Variants in GRAMD4 observed in about 807,000 individuals in gnomAD.
GRAMD4 encodes GRAM domain containing 4.
In GRAMD4, 25 loss-of-function variants were observed where a neutral mutation model predicts 83.9. The ratio of observed to expected loss-of-function variants is 0.30; its 90% CI spans 0.22 to 0.42. The LOEUF (loss-of-function observed/expected upper bound fraction) is 0.42. Among genes scored for constraint, GRAMD4 ranks in the 10% least tolerant of loss-of-function variants. The probability of loss-of-function intolerance (pLI) is 1.00; values close to 1 mark genes in which losing one functional copy is unlikely to be tolerated. For synonymous variants in GRAMD4, 336 were observed against 320.9 expected (o/e 1.05, Z -0.50); for missense variants, 593 against 788.7 (o/e 0.75, Z 2.97).
intron 2 of GRAMD4, among the ~76,000 whole-genome samples, chr22:46,632,272 TG>T (rs2081786185): frequency 6.6e-6 from 1 of 151,284 alleles, no homozygotes; most frequent in African/African-American, 2.4e-5. Context: ...GAAGGAGAGG[TG>T]GCAAGAAGGA....
At chr22:46,663,346 G>A (rs1490542416) in intron 6 of GRAMD4, among the ~76,000 whole-genome samples, 174 bp downstream of exon 6, 1 of 152,232 alleles carries the variant, frequency 6.6e-6, no homozygotes, top group Non-Finnish European at 1.5e-5. Context: ...CCTGGCAGGG[G>A]CTTGCGAGGC....
intron 13 of GRAMD4, among the ~76,000 whole-genome samples, chr22:46,670,850 C>T (rs752345881): frequency 3.9e-5 from 6 of 152,050 alleles, no homozygotes; most frequent in Non-Finnish European, 7.4e-5. Context: ...ATGATCCGCC[C>T]GCTCGGCCTC....
chr22:46,635,702 C>T (rs1433007602), intron 2 of GRAMD4, among the ~76,000 whole-genome samples: 2 of 137,806 alleles, frequency 1.5e-5, no homozygotes, highest in East Asian at 2.1e-4. Flanking sequence ...CTCCCTGCTC[C>T]CCACCCCTGA....
intron 1 of GRAMD4, among the ~76,000 whole-genome samples, chr22:46,577,968 A>G (rs1339606010): frequency 6.6e-6 from 1 of 152,172 alleles, no homozygotes; most frequent in African/African-American, 2.4e-5. Flanking sequence ...CAGGTCCTGG[A>G]CAAGGGAGGG....
upstream of GRAMD4, chr22:46,575,893 C>T (rs1214612869): frequency 6.6e-6 from 1 of 152,296 alleles, no homozygotes; most frequent in East Asian, 1.9e-4. Flanking sequence ...ACCTGAGTGC[C>T]TGCCTCTAAC....
chr22:46,662,625 GT>G (rs1281328067), intron 5 of GRAMD4, among the ~76,000 whole-genome samples: 22 of 152,224 alleles, frequency 1.4e-4, no homozygotes, highest in Admixed American at 6.5e-5. Context: ...GGCTGGGGCA[GT>G]GACCTCTCCA....
chr22:46,658,293 G>C lies in GRAMD4; in HGVS notation c.390G>C (p.Glu130Asp), dbSNP rs1601651359. 1 of 1,611,710 alleles carries C rather than the reference G, an allele frequency of 6.2e-7. No homozygotes were observed. The highest frequency in any genetic ancestry group is 2.2e-5 in the East Asian group (1 of 44,842). ...RRMELEQKVQEVLKARTEEQM... is the reference protein window; with the variant it reads ...RRMELEQKVQDVLKARTEEQM... ...TGGAGCTGGAGCAGAAGGTGCAGGA[G>C]GTGCTGAAGGCCAGGTACCGCGCCT... The change falls in exon 4 of 19, where the codon GAG becomes GAC. Residue 130 changes from glutamate to aspartate, a missense_variant. Physicochemically the swap from Glu to Asp is conservative, Grantham distance 45. Around this residue, in one of 4 missense-constraint regions of GRAMD4, gnomAD observed 312 missense variants for 350.7 expected, o/e 0.89. Coordinates refer to ENST00000406902, the MANE Select transcript of GRAMD4 (RefSeq NM_015124.5).
At chr22:46,616,598 G>A (rs2147117843), upstream of GRAMD4, among the ~76,000 whole-genome samples, 1 of 140,352 alleles carries the variant, frequency 7.1e-6, no homozygotes, top group Non-Finnish European at 1.5e-5. Context: ...AGGTTCCCCT[G>A]TGTGTAGGTT....
intron 1 of GRAMD4, among the ~76,000 whole-genome samples, chr22:46,603,513 C>CTTTTTTTTTTTTTTTTTTTT (rs1569254347): frequency 2.8e-5 from 3 of 105,976 alleles, no homozygotes; most frequent in African/African-American, 1.1e-4. Flanking sequence ...CCGGCCTCTT[C>CTTTTTTTTTTTTTTTTTTTT]TCTTTTTTTT....
rs550462631 is a variant in GRAMD4, at chr22:46,667,982, G to T, written c.859-114G>T. On this transcript the variant is annotated intron_variant, in intron 10 of 18. Coordinates refer to ENST00000406902, the MANE Select transcript of GRAMD4 (RefSeq NM_015124.5). ...CCCAAGGGATGTCCCATCCCCCCTG[G>T]CTGTGTGGGGACAGCAGAGTCCCTG... 3.1e-3 allele frequency: 2,219 copies of T among 715,762 alleles called. 15 individuals are homozygous for T. The highest frequency in any genetic ancestry group is 0.022 in the Middle Eastern group (73 of 3,324). The allele number at this position is 715,762 out of a possible 1,614,324, so 44.3% of individuals were successfully genotyped here.
chr22:46,616,623 G>A (rs2081500292), upstream of GRAMD4, among the ~76,000 whole-genome samples: 1 of 121,774 alleles, frequency 8.2e-6, no homozygotes, highest in Non-Finnish European at 1.7e-5. Context: ...TGTGTGTGTA[G>A]GTTCCCCTGT....
Position 46,663,837 on chromosome 22 carries a change from G to C in GRAMD4, c.600-1G>C. The C allele has an allele frequency of 6.2e-7, 1 of 1,613,374 alleles. No individual in the cohort carries two copies. The highest frequency in any genetic ancestry group is 1.3e-5 in the African/African-American group (1 of 75,056). ...CTCCCATCTCTCCCCTTCTCTCTTA[G>C]GTTAACTGAAAATATGAGACGGCTC... is the stretch of plus-strand genomic sequence containing the variant. On this transcript the variant is annotated splice_acceptor_variant, in intron 6 of 18. Coordinates refer to ENST00000406902, the MANE Select transcript of GRAMD4 (RefSeq NM_015124.5). LOFTEE classifies it high-confidence loss of function.
intron 1 of GRAMD4, chr22:46,587,968 A>G: frequency 1.0e-6 from 1 of 984,594 alleles, no homozygotes; most frequent in South Asian, 4.7e-5. Flanking sequence ...CTGAGGGTCC[A>G]GGGGGCCAGG....
chr22:46,596,036 A>G (rs568888343), intron 1 of GRAMD4, among the ~76,000 whole-genome samples: 2 of 152,246 alleles, frequency 1.3e-5, no homozygotes, highest in African/African-American at 4.8e-5. Context: ...GCTTCAGTGC[A>G]TTAGGATGGG....
rs1263462248 is a variant in GRAMD4 at position 46,650,289 on chromosome 22, G to T, written c.284-7898G>T. 2.0e-5 allele frequency among the ~76,000 whole-genome samples: 3 copies of T among 152,082 alleles called. 1 individual carries two copies. The highest frequency in any genetic ancestry group is 4.1e-4 in the South Asian group (2 of 4,828). On this transcript the variant is annotated intron_variant, in intron 3 of 18. Transcript: ENST00000406902. ...CGCAGAACTGCTTTCCTTCCTCCCA[G>T]TAACTTCCCTGTGCGCTGAGTGTCG...
At chr22:46,583,255 A>G (rs749236895) in intron 1 of GRAMD4, among the ~76,000 whole-genome samples, 3 of 152,232 alleles carry the variant, frequency 2.0e-5, no homozygotes, top group Non-Finnish European at 4.4e-5. Flanking sequence ...TTTTAGATTT[A>G]TAGAGAAATT....
intron 5 of GRAMD4, among the ~76,000 whole-genome samples, chr22:46,662,720 C>A (rs569013571): frequency 1.3e-5 from 2 of 152,152 alleles, no homozygotes; most frequent in African/African-American, 2.4e-5. Context: ...GGACAGGCTG[C>A]CCGCTGACGA....
intron 11 of GRAMD4, among the ~76,000 whole-genome samples, 193 bp from the exon 12 acceptor site, chr22:46,668,496 G>C (rs1386383832): frequency 6.6e-6 from 1 of 152,148 alleles, no homozygotes; most frequent in Non-Finnish European, 1.5e-5. Context: ...GCCCGGGTCT[G>C]CTGTTGCTGT....
intron 3 of GRAMD4, among the ~76,000 whole-genome samples, chr22:46,642,498 G>A (rs2081987508): frequency 6.6e-6 from 1 of 152,194 alleles, no homozygotes; most frequent in Admixed American, 6.5e-5. Context: ...GAACATCATC[G>A]GCATTACACA....
Sources: allele counts gnomAD v4.1 joint callset (sites outside exome capture counted in the v4.1 genomes callset), GRCh38; gene constraint gnomAD v4.1.1; regional missense constraint gnomAD v4.1.1; transcripts MANE v1.5; gene names NCBI Gene and HGNC (gene_info 2026-07-23, HGNC 2026-07-21).